The following VAV2 variants were observed in gnomAD, a reference collection of about 807,000 sequenced individuals.
The protein encoded by VAV2 is vav guanine nucleotide exchange factor 2.
A neutral mutation model predicts 132.5 loss-of-function variants in VAV2; 67 were observed. The observed-to-expected ratio is 0.51, with a 90% CI of 0.42 to 0.62. VAV2 has a LOEUF of 0.62. Ranked by LOEUF, VAV2 falls within the 20% of genes least tolerant of loss-of-function variation. The pLI is 0.00. For missense variants in VAV2, 938 were observed against 1,153.6 expected, an observed-to-expected ratio of 0.81 and a Z score of 2.71; for synonymous variants, 492 against 443.5, an observed-to-expected ratio of 1.11 and a Z score of -1.37.
intron 2 of VAV2, among the ~76,000 whole-genome samples, chr9:133,894,175 G>A (rs546186678): frequency 1.3e-3 from 202 of 152,342 alleles, no homozygotes; most frequent in African/African-American, 2.8e-3. Flanking sequence ...CACCATGTCC[G>A]CTCTAAAGTG....
At position 133,768,583 on chromosome 9, in the gene VAV2, G is replaced by A. The variant is rs143397192; in HGVS notation, c.2448C>T (p.Arg816=). 2.2e-4 allele frequency: 348 copies of A among 1,613,818 alleles called. 1 individual carries two copies. The highest frequency in any genetic ancestry group is 5.3e-4 in the African/African-American group (40 of 75,028). Residue 816 remains arginine (R), a synonymous_variant, in exon 29 of 30, where the codon CGC becomes CGT. Transcript: ENST00000371850. This position sits in a 1 kb window ranked among gnomAD's most constrained non-coding sequence, Gnocchi z 5.3. ...ACCTGGCCACAGCTGTGCCGATGAC[G>A]CGGGGCGTGAACACTGTTGAGGGAG... ...SAPFWSVFTP[R]VIGTAVARYN...
rs79100226 is a variant in VAV2, at chr9:133,915,359, G to A, written c.321+23744C>T. On this transcript the variant is annotated intron_variant, in intron 2 of 29. Coordinates refer to ENST00000371850, the MANE Select transcript of VAV2 (RefSeq NM_001134398.2). ...CACCCCTCAACCTGATATTTTCAAG[G>A]GGATTCAGCACGATCTGGCGTTCTA... Among the ~76,000 whole-genome samples the A allele has an allele frequency of 6.9e-4, 105 of 152,302 alleles. 1 individual carries two copies. In the East Asian group the frequency reaches 0.015, roughly 22 times the overall value.
intron 2 of VAV2, among the ~76,000 whole-genome samples, chr9:133,895,023 G>T (rs2519780): frequency 1.7e-3 from 257 of 152,006 alleles, no homozygotes; most frequent in African/African-American, 5.7e-3. Context: ...AAGATCGCGT[G>T]GGGGGCGTCC....
chr9:133,819,839 T>C (rs1360800838), intron 4 of VAV2, among the ~76,000 whole-genome samples: 3 of 152,186 alleles, frequency 2.0e-5, no homozygotes, highest in Non-Finnish European at 2.9e-5. Flanking sequence ...ATGACACACA[T>C]ATTCTAAATG....
At chr9:133,946,208 C>A (rs544141619) in intron 1 of VAV2, among the ~76,000 whole-genome samples, 1 of 152,236 alleles carries the variant, frequency 6.6e-6, no homozygotes, top group Non-Finnish European at 1.5e-5. Flanking sequence ...TAGTTCGCAG[C>A]AGAGCTCCTC....
At chr9:133,932,665 C>T (rs1266932853) in intron 2 of VAV2, among the ~76,000 whole-genome samples, 3 of 152,194 alleles carry the variant, frequency 2.0e-5, no homozygotes, top group African/African-American at 4.8e-5. Flanking sequence ...AAAGGCTCAA[C>T]GAGACCAAGT....
intron 10 of VAV2, among the ~76,000 whole-genome samples, 189 bp from the exon 11 acceptor site, chr9:133,796,713 A>G (rs887587394): frequency 1.3e-5 from 2 of 151,910 alleles, no homozygotes; most frequent in Non-Finnish European, 2.9e-5. Context: ...GCTTCACAAC[A>G]CATGGCTCCC....
rs1270018856 is a variant in VAV2, at chr9:133,919,136, C to T, written c.321+19967G>A. ...CACACTTTCTTCACTGACCTAGCTC[C>T]GCCCTCTCCATCAGGCCTGGCTCTG... On this transcript the variant is annotated intron_variant, in intron 2 of 29. Transcript: ENST00000371850. The surrounding 1 kb of genome is among the most constrained non-coding windows in gnomAD (Gnocchi z 5.8). 6.6e-6 allele frequency among the ~76,000 whole-genome samples: 1 copy of T among 152,136 alleles called. No homozygotes were observed. Among genetic ancestry groups the T allele is most frequent in the Non-Finnish European group, 1.5e-5 (1 of 68,028 alleles).
intron 26 of VAV2, 69 bp from the exon 27 acceptor site, chr9:133,770,570 T>C: frequency 6.3e-7 from 1 of 1,590,416 alleles, no homozygotes; most frequent in South Asian, 1.1e-5. Context: ...TGACCTGGCC[T>C]CCCTCTCCCA....
At chr9:133,783,879 T>C (rs1243841676) in intron 18 of VAV2, among the ~76,000 whole-genome samples, 1,912 of 27,896 alleles carry the variant, frequency 0.069, 54 homozygotes, top group African/African-American at 0.18. Flanking sequence ...GCTGGGCCGT[T>C]TTTTTTTTTT....
At chr9:133,799,366 C>G (rs975522275) in intron 9 of VAV2, among the ~76,000 whole-genome samples, 1 of 152,216 alleles carries the variant, frequency 6.6e-6, no homozygotes, top group African/African-American at 2.4e-5. Context: ...GGTACTTCCT[C>G]AGGCCGCCCG....
chr9:133,885,494 A>G lies in VAV2; in HGVS notation c.322-24062T>C, dbSNP rs1838667212. 2.0e-5 allele frequency among the ~76,000 whole-genome samples: 3 copies of G among 152,158 alleles called. No homozygotes were observed. ...ACTTCCTGAGGGCCTGCCACTGTGG[A>G]CTCTGCAAGTGTCGTATTTACTAAT... On this transcript the variant is annotated intron_variant, in intron 2 of 29. Transcript: ENST00000371850. This position sits in a 1 kb window ranked among gnomAD's most constrained non-coding sequence, Gnocchi z 5.0.
intron 19 of VAV2, among the ~76,000 whole-genome samples, chr9:133,781,733 G>A (rs894954179): frequency 6.6e-6 from 1 of 152,216 alleles, no homozygotes; most frequent in Non-Finnish European, 1.5e-5. Flanking sequence ...ACACTGTTAA[G>A]GGAAAAATGG....
intron 1 of VAV2, among the ~76,000 whole-genome samples, chr9:133,976,105 G>C (rs958671387): frequency 6.6e-6 from 1 of 152,114 alleles, no homozygotes; most frequent in African/African-American, 2.4e-5. Context: ...TACTCGGGAG[G>C]CAGAGGCAGA....
intron 19 of VAV2, among the ~76,000 whole-genome samples, chr9:133,781,323 C>T (rs1834000043): frequency 6.6e-6 from 1 of 152,226 alleles, no homozygotes; most frequent in Non-Finnish European, 1.5e-5. Context: ...AGGTGGCTGC[C>T]ACCTACCACC....
chr9:133,777,255 A>G, intron 23 of VAV2, 134 bp downstream of exon 23: 1 of 827,536 alleles, frequency 1.2e-6, no homozygotes, highest in Non-Finnish European at 2.0e-6. Context: ...CAGCTCCAGG[A>G]AGCAGCTCAC....
intron 1 of VAV2, among the ~76,000 whole-genome samples, chr9:133,940,390 T>C (rs910440067): frequency 2.0e-5 from 3 of 152,204 alleles, no homozygotes; most frequent in African/African-American, 7.2e-5. Flanking sequence ...AGCCTGTCCC[T>C]GCTCACTGGA....
At chr9:133,892,142 TGGG>T (rs1564441771) in intron 2 of VAV2, among the ~76,000 whole-genome samples, 3 of 68,390 alleles carry the variant, frequency 4.4e-5, no homozygotes, top group Admixed American at 2.0e-4. Flanking sequence ...AAGGGCGGGG[TGGG>T]GGATGATGGA....
intron 1 of VAV2, among the ~76,000 whole-genome samples, chr9:133,958,189 C>A (rs1459538687): frequency 7.6e-6 from 1 of 130,990 alleles, no homozygotes; most frequent in Admixed American, 7.7e-5. Flanking sequence ...GCCCGACACC[C>A]GTAAAGGGTC....
Sources: allele counts gnomAD v4.1 joint callset (sites outside exome capture counted in the v4.1 genomes callset), GRCh38; gene constraint gnomAD v4.1.1; non-coding constraint Gnocchi (gnomAD v3.1); transcripts MANE v1.5; gene names NCBI Gene and HGNC (gene_info 2026-07-23, HGNC 2026-07-21).